The following RAD52 variants were observed in gnomAD, a reference collection of about 807,000 sequenced individuals.
The protein encoded by RAD52 is DNA repair protein RAD52 homolog.
RAD52 carries 47 observed loss-of-function variants against 55.5 expected under a neutral mutation model. The observed-to-expected ratio is 0.85, with a 90% CI of 0.67 to 1.08. RAD52 has a LOEUF of 1.08. Among genes scored for constraint, RAD52 ranks in the 50% least tolerant of loss-of-function variants. The probability of loss-of-function intolerance (pLI) is 0.00; values close to 1 mark genes in which losing one functional copy is unlikely to be tolerated. For synonymous variants in RAD52, 184 were observed against 198.9 expected, an observed-to-expected ratio of 0.92 and a Z score of 0.63; for missense variants, 468 against 522.8, an observed-to-expected ratio of 0.90 and a Z score of 1.02.
chr12:914,613 T>TAACAAGAGGGGAG, intron 9 of RAD52, 81 bp from the exon 10 acceptor site: 2 of 1,539,708 alleles, frequency 1.3e-6, no homozygotes, highest in Non-Finnish European at 8.8e-7. Flanking sequence ...CACTCCCCTC[T>TAACAAGAGGGGAG]TGTTAGAGGG....
intron 10 of RAD52, 70 bp from the exon 11 acceptor site, chr12:914,191 CTG>C (rs1956236620): frequency 6.9e-7 from 1 of 1,459,022 alleles, no homozygotes. Flanking sequence ...ACTGGAAAAA[CTG>C]GCCCTCAGAA....
chr12:974,397 G>A (rs919044375), intron 1 of RAD52: 3 of 152,212 alleles, frequency 2.0e-5, no homozygotes, highest in Non-Finnish European at 4.4e-5. Context: ...GGCTCCTGAA[G>A]AGAAACTCTC....
intron 1 of RAD52, among the ~76,000 whole-genome samples, chr12:947,522 G>A (rs528890195): frequency 6.8e-6 from 1 of 146,420 alleles, no homozygotes; most frequent in South Asian, 2.2e-4. Flanking sequence ...AGTGGCATGC[G>A]CCTGTAAGCC....
At chr12:935,939 G>A (rs1372843215) in intron 1 of RAD52, among the ~76,000 whole-genome samples, 1 of 149,494 alleles carries the variant, frequency 6.7e-6, no homozygotes, top group African/African-American at 2.4e-5. Context: ...GCCTGATCTC[G>A]AACTCCTGAC....
chr12:971,611 GTAAA>G (rs1958853692), intron 1 of RAD52, among the ~76,000 whole-genome samples: 1 of 152,114 alleles, frequency 6.6e-6, no homozygotes, highest in Non-Finnish European at 1.5e-5. Flanking sequence ...ATTATTGGTT[GTAAA>G]TAAATATGGA....
intron 1 of RAD52, chr12:936,829 C>G (rs1422619709): frequency 6.6e-6 from 1 of 152,210 alleles, no homozygotes; most frequent in Non-Finnish European, 1.5e-5. Context: ...ATCTTCTTGG[C>G]CTTGTGTGTC....
At position 912,376 on chromosome 12, in the gene RAD52, A is replaced by G; in HGVS notation, c.*1015T>C. 1 of 202,900 alleles carries G rather than the reference A, an allele frequency of 4.9e-6. No individual in the cohort carries two copies. 12.6% of individuals were successfully genotyped at this position (202,900 alleles called of 1,614,324 possible). On this transcript the variant is annotated 3_prime_UTR_variant, in exon 12 of 12. Transcript: ENST00000358495. ...TACAAAAACTCTGTTTCATGCACAAAATTATGTGTATGAGGCATATACACG... is the reference window on the plus strand; with the variant it reads ...TACAAAAACTCTGTTTCATGCACAAGATTATGTGTATGAGGCATATACACG...
At chr12:942,187 A>C (rs987041432) in intron 1 of RAD52, among the ~76,000 whole-genome samples, 2 of 152,204 alleles carry the variant, frequency 1.3e-5, no homozygotes, top group African/African-American at 4.8e-5. Context: ...CTACAACTAC[A>C]TGACTTCAAG....
intron 1 of RAD52, among the ~76,000 whole-genome samples, chr12:947,154 C>T (rs1958275648): frequency 6.6e-6 from 1 of 151,702 alleles, no homozygotes; most frequent in Non-Finnish European, 1.5e-5. Context: ...TGGAGAAACC[C>T]CTTCTCTACT....
At chr12:971,383 T>C (rs558832386) in intron 1 of RAD52, among the ~76,000 whole-genome samples, 216 of 152,106 alleles carry the variant, frequency 1.4e-3, no homozygotes, top group African/African-American at 5.0e-3. Flanking sequence ...GATAAGCTAA[T>C]ATATAGGACT....
intron 1 of RAD52, chr12:976,793 A>C (rs1292290176): frequency 6.6e-6 from 1 of 152,226 alleles, no homozygotes; most frequent in Non-Finnish European, 1.5e-5. Flanking sequence ...GTCTTCCTGC[A>C]GTAGACAAAC....
chr12:989,498 G>A (rs1261504151), intron 1 of RAD52, among the ~76,000 whole-genome samples: 1 of 152,050 alleles, frequency 6.6e-6, no homozygotes, highest in Non-Finnish European at 1.5e-5. Flanking sequence ...AATCCTAAAC[G>A]TAGGTTTTAA....
chr12:955,462 G>GTTC (rs138210801), intron 1 of RAD52, among the ~76,000 whole-genome samples: 5 of 149,476 alleles, frequency 3.3e-5, no homozygotes, highest in African/African-American at 9.8e-5. Flanking sequence ...GCAACGTACT[G>GTTC]TTCTTCTTCT....
intron 1 of RAD52, among the ~76,000 whole-genome samples, chr12:955,887 TCTC>T (rs1592467528): frequency 6.6e-6 from 1 of 152,056 alleles, no homozygotes; most frequent in Non-Finnish European, 1.5e-5. Flanking sequence ...TTCAAGCAAT[TCTC>T]CTGCCTTAGC....
intron 1 of RAD52, among the ~76,000 whole-genome samples, chr12:982,868 G>A (rs889081986): frequency 6.2e-5 from 8 of 129,818 alleles, no homozygotes; most frequent in African/African-American, 2.3e-4. Context: ...GTTCTGTTTT[G>A]AGACAGAGTC....
chr12:976,847 A>G (rs1958940641), intron 1 of RAD52: 1 of 152,244 alleles, frequency 6.6e-6, no homozygotes, highest in African/African-American at 2.4e-5. Context: ...AAATTGCATG[A>G]GCCTCTCCTC....
At chr12:976,790 T>C (rs1038388022) in intron 1 of RAD52, 1 of 152,222 alleles carries the variant, frequency 6.6e-6, no homozygotes, top group Admixed American at 6.5e-5. Flanking sequence ...TCTGTCTTCC[T>C]GCAGTAGACA....
chr12:978,579 T>C (rs1339258556), intron 1 of RAD52, among the ~76,000 whole-genome samples: 1 of 152,104 alleles, frequency 6.6e-6, no homozygotes, highest in Non-Finnish European at 1.5e-5. Flanking sequence ...GGTGGACAGA[T>C]TGCCTGAGCT....
At chr12:966,867 C>T (rs1042846293) in intron 1 of RAD52, among the ~76,000 whole-genome samples, 2 of 151,592 alleles carry the variant, frequency 1.3e-5, no homozygotes, top group South Asian at 2.1e-4. Flanking sequence ...CCTTTGAACG[C>T]GTAGATATTA....
Sources: allele counts gnomAD v4.1 joint callset (sites outside exome capture counted in the v4.1 genomes callset), GRCh38; gene constraint gnomAD v4.1.1; transcripts MANE v1.5; gene names NCBI Gene and HGNC (gene_info 2026-07-23, HGNC 2026-07-21).